Variants in OTOP1 observed in about 807,000 individuals in gnomAD.
OTOP1 encodes proton channel OTOP1.
Under a neutral mutation model 52.9 loss-of-function variants are expected in OTOP1, and 59 were observed. The observed-to-expected ratio is 1.12, with a 90% CI of 0.91 to 1.39. The LOEUF is 1.39. Ranked by LOEUF, OTOP1 falls within the 40% of genes most tolerant of loss-of-function variation. The pLI, the probability that OTOP1 is intolerant of heterozygous loss-of-function variation, is 0.00. For missense variants in OTOP1, 761 were observed against 800.9 expected (o/e 0.95, Z 0.60); for synonymous variants, 317 against 337.7 (o/e 0.94, Z 0.67).
chr4:4,212,862 G>A lies in OTOP1; in HGVS notation c.540+6C>T. On this transcript the variant is annotated splice_donor_region_variant and intron_variant, in intron 2 of 5. Coordinates refer to ENST00000296358, the MANE Select transcript of OTOP1 (RefSeq NM_177998.3). The stretch of plus-strand genomic sequence containing the variant: ...GAGACAATATAAATAAACATCAGTG[G>A]TTTACCTGCAACAAAGTATGCACTG... 1.2e-6 allele frequency: 2 copies of A among 1,613,794 alleles called. No homozygotes were observed. The highest frequency in any genetic ancestry group is 1.7e-6 in the Non-Finnish European group (2 of 1,179,706).
chr4:4,219,692 G>A lies in OTOP1; in HGVS notation c.404-6688C>T, dbSNP rs573028771. Among the ~76,000 whole-genome samples, 357 of 111,694 alleles carry A rather than the reference G, an allele frequency of 3.2e-3. 1 individual carries two copies. Among genetic ancestry groups the A allele is most frequent in the African/African-American group, 9.4e-3 (339 of 35,982 alleles). 73.3% of individuals were successfully genotyped at this position (111,694 alleles called of 152,430 possible). A position where few individuals can be genotyped will look rare whatever the true frequency, so the allele number is the denominator to read the frequency against. ...AGCCTGGGCGACAGAGCGAGACTCT[G>A]TCTCAAAAAAAAAAAAAGACATACT... On this transcript the variant is annotated intron_variant, in intron 1 of 5. Coordinates refer to ENST00000296358, the MANE Select transcript of OTOP1 (RefSeq NM_177998.3).
intron 1 of OTOP1, among the ~76,000 whole-genome samples, chr4:4,215,673 T>C (rs886286215): frequency 2.9e-4 from 40 of 137,850 alleles, no homozygotes; most frequent in Non-Finnish European, 4.8e-4. Flanking sequence ...AAAATATATA[T>C]ATTAATATGA....
At chr4:4,224,387 G>A (rs1284380693) in intron 1 of OTOP1, among the ~76,000 whole-genome samples, 2 of 150,506 alleles carry the variant, frequency 1.3e-5, no homozygotes, top group Admixed American at 6.6e-5. Context: ...GAGGAGGGAA[G>A]GCGAGGGAAT....
chr4:4,188,878 G>A lies in OTOP1; in HGVS notation c.1764C>T (p.Asn588=). The change falls in exon 6 of 6, where the codon AAC becomes AAT. Residue 588 remains asparagine (N), a synonymous_variant. Transcript: ENST00000296358. ...AGAAAATAGAAAAAGGCATGGCCAG[G>A]TTGACCACAATTATCCAGGGTTCAA... ...FGFEPWIIVV[N]LAMPFSIFYR... The A allele has an allele frequency of 6.2e-7, 1 of 1,613,958 alleles. No homozygotes were observed. Among genetic ancestry groups the A allele is most frequent in the Non-Finnish European group, 8.5e-7 (1 of 1,179,848 alleles).
chr4:4,193,443 T>A (rs111392729), intron 5 of OTOP1, among the ~76,000 whole-genome samples: 2,225 of 152,276 alleles, frequency 0.015, 61 homozygotes, highest in African/African-American at 0.052. Context: ...CCACCCCACC[T>A]GGACATGCAC....
intron 1 of OTOP1, among the ~76,000 whole-genome samples, chr4:4,223,947 A>G (rs929404943): frequency 3.3e-5 from 5 of 151,530 alleles, no homozygotes; most frequent in Non-Finnish European, 7.4e-5. Flanking sequence ...AAGGAAGAGA[A>G]AGAGAGGAGA....
At chr4:4,224,389 C>T (rs28431471) in intron 1 of OTOP1, among the ~76,000 whole-genome samples, 11 of 134,638 alleles carry the variant, frequency 8.2e-5, no homozygotes, top group East Asian at 2.2e-4. Flanking sequence ...GGAGGGAAGG[C>T]GAGGGAATAG....
chr4:4,196,931 A>G (rs1716646739), intron 5 of OTOP1, among the ~76,000 whole-genome samples: 1 of 152,132 alleles, frequency 6.6e-6, no homozygotes, highest in African/African-American at 2.4e-5. Context: ...ATGAACACAA[A>G]TATATGAACA....
intron 1 of OTOP1, among the ~76,000 whole-genome samples, chr4:4,213,459 C>T (rs1316110360): frequency 6.6e-6 from 1 of 152,152 alleles, no homozygotes; most frequent in Non-Finnish European, 1.5e-5. Context: ...AGACAGCCCA[C>T]AGAACTGGAG....
At chr4:4,223,267 C>T (rs1486440761) in intron 1 of OTOP1, among the ~76,000 whole-genome samples, 1 of 152,198 alleles carries the variant, frequency 6.6e-6, no homozygotes, top group Non-Finnish European at 1.5e-5. Flanking sequence ...TGTCCCCACC[C>T]TGCTCTTCCC....
chr4:4,220,959 C>G (rs550169351), intron 1 of OTOP1, among the ~76,000 whole-genome samples: 2 of 152,258 alleles, frequency 1.3e-5, no homozygotes, highest in South Asian at 4.1e-4. Context: ...CTTGGACAAG[C>G]TCAGGGCTAG....
At chr4:4,213,121 T>C in intron 1 of OTOP1, 117 bp from the exon 2 acceptor site, 2 of 1,314,618 alleles carry the variant, frequency 1.5e-6, no homozygotes, top group Non-Finnish European at 2.1e-6. Flanking sequence ...TCAAATGATT[T>C]TTCACAAGGG....
intron 1 of OTOP1, among the ~76,000 whole-genome samples, chr4:4,216,062 G>A (rs1248834945): frequency 8.5e-5 from 13 of 152,110 alleles, no homozygotes; most frequent in African/African-American, 3.1e-4. Context: ...GCTTCCCAAA[G>A]TGCTGGGATT....
intron 1 of OTOP1, among the ~76,000 whole-genome samples, chr4:4,220,105 A>ATATATTTTTT (rs1434375771): frequency 5.1e-5 from 3 of 59,394 alleles, no homozygotes; most frequent in African/African-American, 1.0e-4. Flanking sequence ...ATATATATAT[A>ATATATTTTTT]TTTTTTTTTT....
At chr4:4,213,792 T>C (rs1378860612) in intron 1 of OTOP1, among the ~76,000 whole-genome samples, 5 of 152,166 alleles carry the variant, frequency 3.3e-5, no homozygotes, top group African/African-American at 7.2e-5. Context: ...AGAATTCTTA[T>C]ATATTAACAA....
chr4:4,219,972 T>C (rs1165524185), intron 1 of OTOP1, among the ~76,000 whole-genome samples: 5 of 145,240 alleles, frequency 3.4e-5, no homozygotes, highest in Non-Finnish European at 6.0e-5. Context: ...TATACATATA[T>C]ACACATATAT....
At chr4:4,195,508 G>C (rs1445262137) in intron 5 of OTOP1, among the ~76,000 whole-genome samples, 1 of 152,092 alleles carries the variant, frequency 6.6e-6, no homozygotes, top group Non-Finnish European at 1.5e-5. Context: ...ACTGCTTTCT[G>C]TCTTGAACCC....
At chr4:4,201,459 A>T (rs865989532) in intron 4 of OTOP1, among the ~76,000 whole-genome samples, 3 of 136,476 alleles carry the variant, frequency 2.2e-5, no homozygotes, top group South Asian at 2.3e-4. Context: ...TAAATAAATA[A>T]ATATATATAT....
At position 4,225,232 on chromosome 4, in the gene OTOP1, G is replaced by A. The variant is rs115759740; in HGVS notation, c.403+1230C>T. Among the ~76,000 whole-genome samples, 992 of 152,264 alleles carry A rather than the reference G, an allele frequency of 6.5e-3. 7 individuals carry two copies. The highest frequency in any genetic ancestry group is 0.022 in the African/African-American group (923 of 41,552). On this transcript the variant is annotated intron_variant, in intron 1 of 5. Transcript: ENST00000296358. ...CTTTCTTCACAAGCATGCTCCCCAT[G>A]GCCTCCTCCCTTTCACCTGCACCAT...
Sources: gnomAD v4.1 joint callset for allele counts (sites outside exome capture counted in the v4.1 genomes callset) on GRCh38, gnomAD v4.1.1 for gene constraint, MANE v1.5 for transcripts, NCBI Gene and HGNC (gene_info 2026-07-23, HGNC 2026-07-21) for gene names.